Variants in GRAMD2A observed in about 807,000 individuals in gnomAD.
GRAMD2A encodes GRAM domain containing 2A, also known as GRAM domain-containing protein 2A.
In GRAMD2A, 37 loss-of-function variants were observed where a neutral mutation model predicts 51.1. The ratio of observed to expected loss-of-function variants is 0.72; its 90% confidence interval spans 0.56 to 0.95. The LOEUF (loss-of-function observed/expected upper bound fraction) is 0.95, where lower values mean the gene tolerates loss of function less well. Among genes scored for constraint, GRAMD2A ranks in the 40% least tolerant of loss-of-function variants. The pLI, the probability that GRAMD2A is intolerant of heterozygous loss-of-function variation, is 0.00. For missense variants in GRAMD2A, 414 were observed against 426.9 expected (o/e 0.97, Z 0.27); for synonymous variants, 136 against 157.1 (o/e 0.87, Z 1.01).
chr15:72,184,820 G>A (rs1414284338), intron 1 of GRAMD2A, among the ~76,000 whole-genome samples: 1 of 152,190 alleles, frequency 6.6e-6, no homozygotes, highest in Non-Finnish European at 1.5e-5. Flanking sequence ...CAAATAAAAG[G>A]TTCACTTACA....
At position 72,169,486 on chromosome 15, in the gene GRAMD2A, C is replaced by T. The variant is rs1224722711; in HGVS notation, c.134+361G>A. The T allele has an allele frequency of 5.7e-6, 3 of 530,606 alleles. No homozygotes were observed. In the Admixed American group the frequency reaches 6.7e-5, roughly 12 times the overall value. The allele number at this position is 530,606 out of a possible 1,614,324, so 32.9% of individuals were successfully genotyped here. The stretch of plus-strand genomic sequence containing the variant: ...CTCCCTGCCGCCTCCTTCCTGTGGC[C>T]TGAGCTCTGCTGCGGGGAGCTTGGC... On this transcript the variant is annotated intron_variant, in intron 2 of 11. Transcript: ENST00000309731.
At position 72,169,985 on chromosome 15, in the gene GRAMD2A, AC is replaced by A. The variant is rs769463778; in HGVS notation, c.42-47del. 30 of 1,406,294 alleles carry A rather than the reference AC, an allele frequency of 2.1e-5. No homozygotes were observed. The East Asian group carries it at 6.8e-4, about 32-fold the overall frequency. The allele number at this position is 1,406,294 out of a possible 1,614,324, so 87.1% of individuals were successfully genotyped here. A position where few individuals can be genotyped will look rare whatever the true frequency, so the allele number is the denominator to read the frequency against. On this transcript the variant is annotated intron_variant, in intron 1 of 11. Transcript: ENST00000309731. Reference sequence around the variant, plus strand: ...ATCAGGAAGGGGGCTTCATGAGGACACCTTTCCCTAACAGCCCCACCATGCC... The same window carrying A: ...ATCAGGAAGGGGGCTTCATGAGGACACTTTCCCTAACAGCCCCACCATGCC...
chr15:72,160,923 G>A lies in GRAMD2A; in HGVS notation c.*1086C>T, dbSNP rs1487443310. On this transcript the variant is annotated 3_prime_UTR_variant, in exon 12 of 12. Coordinates refer to ENST00000309731, the MANE Select transcript of GRAMD2A (RefSeq NM_001012642.3). ...CACAGTGGACACTTCCACCTTAATGGAGAATAGGCCCCATGGAGTGGAGGT... is the reference window on the plus strand; with the variant it reads ...CACAGTGGACACTTCCACCTTAATGAAGAATAGGCCCCATGGAGTGGAGGT... 1 of 152,332 alleles carries A rather than the reference G, an allele frequency of 6.6e-6. No individual in the cohort carries two copies. The highest frequency in any genetic ancestry group is 1.5e-5 in the Non-Finnish European group (1 of 68,144). 9.4% of individuals were successfully genotyped at this position (152,332 alleles called of 1,614,324 possible). A position where few individuals can be genotyped will look rare whatever the true frequency, so the allele number is the denominator to read the frequency against.
At chr15:72,183,071 C>T (rs1361062399) in intron 1 of GRAMD2A, among the ~76,000 whole-genome samples, 1 of 152,018 alleles carries the variant, frequency 6.6e-6, no homozygotes, top group African/African-American at 2.4e-5. Context: ...CAGGGTCTCT[C>T]TATGTTATCC....
chr15:72,165,413 G>A lies in GRAMD2A; in HGVS notation c.544-3C>T, dbSNP rs755566674. On this transcript the variant is annotated splice_region_variant and splice_polypyrimidine_tract_variant and intron_variant, in intron 7 of 11. Coordinates refer to ENST00000309731, the MANE Select transcript of GRAMD2A (RefSeq NM_001012642.3). Reference sequence around the variant, plus strand: ...CTCAGACTCTTCTTGCTGGAAGGCTGAGGAGGAAAGGGAACAGCAGTCACT... The same window carrying A: ...CTCAGACTCTTCTTGCTGGAAGGCTAAGGAGGAAAGGGAACAGCAGTCACT... 1.9e-6 allele frequency: 3 copies of A among 1,613,852 alleles called. No homozygotes were observed. The highest frequency in any genetic ancestry group is 2.7e-5 in the African/African-American group (2 of 74,938).
At chr15:72,192,797 T>C (rs898491729) in intron 1 of GRAMD2A, among the ~76,000 whole-genome samples, 2 of 152,168 alleles carry the variant, frequency 1.3e-5, no homozygotes, top group Non-Finnish European at 2.9e-5. Flanking sequence ...CAAACATCAC[T>C]GAGGAAACAC....
chr15:72,181,755 A>G (rs1223467923), intron 1 of GRAMD2A, among the ~76,000 whole-genome samples: 2 of 152,228 alleles, frequency 1.3e-5, no homozygotes, highest in Non-Finnish European at 2.9e-5. Context: ...CCTAGTTGGA[A>G]GCAACAGTCA....
At chr15:72,179,314 G>A (rs1193385083) in intron 1 of GRAMD2A, among the ~76,000 whole-genome samples, 1 of 152,260 alleles carries the variant, frequency 6.6e-6, no homozygotes, top group Admixed American at 6.5e-5. Context: ...CCTCTTTAGA[G>A]TGAAAAGATG....
intron 8 of GRAMD2A, among the ~76,000 whole-genome samples, chr15:72,164,696 C>T (rs543215498): frequency 1.3e-5 from 2 of 152,208 alleles, no homozygotes; most frequent in South Asian, 2.1e-4. Context: ...TGAGCCACCA[C>T]ACTCGGCTCC....
intron 1 of GRAMD2A, among the ~76,000 whole-genome samples, chr15:72,175,317 C>T (rs1194539806): frequency 6.6e-6 from 1 of 152,208 alleles, no homozygotes; most frequent in African/African-American, 2.4e-5. Context: ...CTGCCTCTCT[C>T]CCACATGCAC....
chr15:72,163,360 C>A lies in GRAMD2A; in HGVS notation c.862G>T (p.Ala288Ser). 6.2e-7 allele frequency: 1 copy of A among 1,614,142 alleles called. No individual in the cohort carries two copies. The highest frequency in any genetic ancestry group is 8.5e-7 in the Non-Finnish European group (1 of 1,179,966). Residue 288 changes from alanine to serine, a missense_variant, in exon 10 of 12, where the codon GCT (alanine) becomes TCT (serine). Physicochemically the swap from Ala to Ser is moderately conservative, Grantham distance 99 (BLOSUM62 1). Transcript: ENST00000309731. ...MPNCSPTAKNAVYEEDELEEE... is the reference protein window; with the variant it reads ...MPNCSPTAKNSVYEEDELEEE... ...TCCAGCTCATCCTCCTCATAGACAG[C>A]ATTCTTTGCAGTGGGAGAGCAGTTC... is the stretch of plus-strand genomic sequence containing the variant.
At chr15:72,183,239 C>T (rs1457014665) in intron 1 of GRAMD2A, among the ~76,000 whole-genome samples, 2 of 150,680 alleles carry the variant, frequency 1.3e-5, no homozygotes, top group East Asian at 2.0e-4. Context: ...AACTCTTGGC[C>T]GGGCGCGGTG....
chr15:72,191,120 T>G (rs1488135911), intron 1 of GRAMD2A, among the ~76,000 whole-genome samples: 1 of 152,190 alleles, frequency 6.6e-6, no homozygotes. Flanking sequence ...TTTTGAAAAC[T>G]AAGAAATAAG....
At position 72,185,196 on chromosome 15, in the gene GRAMD2A, T is replaced by G. The variant is rs892909721; in HGVS notation, c.41+12535A>C. 3.5e-3 allele frequency among the ~76,000 whole-genome samples: 526 copies of G among 150,088 alleles called. 3 individuals are homozygous for G. The highest frequency in any genetic ancestry group is 4.6e-3 in the Non-Finnish European group (308 of 67,396). On this transcript the variant is annotated intron_variant, in intron 1 of 11. Coordinates refer to ENST00000309731, the MANE Select transcript of GRAMD2A (RefSeq NM_001012642.3). ...AAAATATATTTTGTTCCAGTTTTTT[T>G]TTTTTTTTTTTTTTTGAGACGGAGT...
At chr15:72,171,427 C>A (rs1170235578) in intron 1 of GRAMD2A, among the ~76,000 whole-genome samples, 2 of 151,942 alleles carry the variant, frequency 1.3e-5, no homozygotes, top group East Asian at 1.9e-4. Context: ...GTTATATAAT[C>A]TATAATTTGT....
chr15:72,184,482 G>C (rs998946106), intron 1 of GRAMD2A, among the ~76,000 whole-genome samples: 1 of 152,236 alleles, frequency 6.6e-6, no homozygotes, highest in African/African-American at 2.4e-5. Flanking sequence ...CCCGGGAAAA[G>C]GAGCGCGCGC....
rs2081453182 is a variant in GRAMD2A at position 72,159,951 on chromosome 15, T to A, written c.*2058A>T. ...CAGGTCTATATAAAATACACATCATTTATAAATGCACACAGCAGAAAGCAC... is the reference window on the plus strand; with the variant it reads ...CAGGTCTATATAAAATACACATCATATATAAATGCACACAGCAGAAAGCAC... On this transcript the variant is annotated 3_prime_UTR_variant, in exon 12 of 12. Coordinates refer to ENST00000309731, the MANE Select transcript of GRAMD2A (RefSeq NM_001012642.3). 1.3e-5 allele frequency: 2 copies of A among 152,048 alleles called. No homozygotes were observed. Among genetic ancestry groups the A allele is most frequent in the African/African-American group, 4.8e-5 (2 of 41,398 alleles). The allele number at this position is 152,048 out of a possible 1,614,324, so 9.4% of individuals were successfully genotyped here. A position where few individuals can be genotyped will look rare whatever the true frequency, so the allele number is the denominator to read the frequency against.
At chr15:72,171,580 C>T (rs375393431) in intron 1 of GRAMD2A, among the ~76,000 whole-genome samples, 2 of 152,132 alleles carry the variant, frequency 1.3e-5, no homozygotes, top group African/African-American at 2.4e-5. Context: ...GCCATCAGCA[C>T]GACATGAAGG....
At chr15:72,188,158 G>A (rs146314300) in intron 1 of GRAMD2A, among the ~76,000 whole-genome samples, 11 of 152,200 alleles carry the variant, frequency 7.2e-5, no homozygotes, top group East Asian at 3.9e-4. Flanking sequence ...CCAATGTGGT[G>A]AAACCCCATC....
Sources: gnomAD v4.1 joint callset for allele counts (sites outside exome capture counted in the v4.1 genomes callset) on GRCh38, gnomAD v4.1.1 for gene constraint, MANE v1.5 for transcripts, NCBI Gene and HGNC (gene_info 2026-07-23, HGNC 2026-07-21) for gene names.